The following UBE2V2 variants were observed in gnomAD, a reference collection of about 807,000 sequenced individuals.
UBE2V2 encodes the protein ubiquitin conjugating enzyme E2 V2.
Under a neutral mutation model 17.2 loss-of-function variants are expected in UBE2V2, and 9 were observed. The ratio of observed to expected loss-of-function variants is 0.52; its 90% CI spans 0.32 to 0.91. The LOEUF (loss-of-function observed/expected upper bound fraction) is 0.91. UBE2V2 is among the 40% of genes least tolerant of loss of function. UBE2V2 has a pLI of 0.04. For missense variants in UBE2V2, 133 were observed against 182.6 expected (o/e 0.73, Z 1.56); for synonymous variants, 61 against 57.5 (o/e 1.06, Z -0.28).
the UBE2V2 span, among the ~76,000 whole-genome samples, chr8:48,001,580 C>T: frequency 2.6e-5 from 4 of 152,082 alleles, no homozygotes; most frequent in African/African-American, 9.7e-5. Context: ...GGCTGGGCAA[C>T]AGAGTAAGAC....
intron 1 of UBE2V2, among the ~76,000 whole-genome samples, chr8:48,024,080 G>C (rs1196318053): frequency 6.6e-6 from 1 of 152,132 alleles, no homozygotes; most frequent in Non-Finnish European, 1.5e-5. Context: ...CAGTAAGCTG[G>C]AACTCAGCAG....
At chr8:48,018,763 A>G (rs575497197) in intron 1 of UBE2V2, among the ~76,000 whole-genome samples, 1 of 152,174 alleles carries the variant, frequency 6.6e-6, no homozygotes, top group African/African-American at 2.4e-5. Flanking sequence ...AAAATCTCCT[A>G]CTGTTACTGT....
At chr8:48,060,580 G>A in intron 3 of UBE2V2, 102 bp from the exon 4 acceptor site, 1 of 1,122,518 alleles carries the variant, frequency 8.9e-7, no homozygotes, top group Non-Finnish European at 1.2e-6. Context: ...ATAGAGGCAA[G>A]CTATGAATTT....
intron 1 of UBE2V2, among the ~76,000 whole-genome samples, chr8:48,014,319 T>C (rs2091253122): frequency 6.6e-6 from 1 of 152,118 alleles, no homozygotes; most frequent in African/African-American, 2.4e-5. Flanking sequence ...TTCAAAAATG[T>C]CAACACATTA....
At chr8:48,038,604 A>T (rs990956279) in intron 1 of UBE2V2, among the ~76,000 whole-genome samples, 1 of 151,020 alleles carries the variant, frequency 6.6e-6, no homozygotes, top group Non-Finnish European at 1.5e-5. Flanking sequence ...TCAGCCTCCC[A>T]GGTAGCTGGG....
chr8:48,053,485 G>A (rs1042806295), intron 3 of UBE2V2, among the ~76,000 whole-genome samples: 2 of 143,758 alleles, frequency 1.4e-5, no homozygotes, highest in Non-Finnish European at 3.0e-5. Flanking sequence ...GTGCAGTCAC[G>A]CGATCTTGGC....
intron 1 of UBE2V2, among the ~76,000 whole-genome samples, chr8:48,026,254 AG>A: frequency 6.6e-6 from 1 of 152,204 alleles, no homozygotes. Context: ...TATTCTCTCT[AG>A]GGCTTATGAA....
chr8:48,060,537 T>C (rs1367994075), intron 3 of UBE2V2, 145 bp from the exon 4 acceptor site: 1 of 559,278 alleles, frequency 1.8e-6, no homozygotes, highest in Non-Finnish European at 2.8e-6. Flanking sequence ...CTAATTATGG[T>C]ATTAGTAATT....
intron 1 of UBE2V2, among the ~76,000 whole-genome samples, chr8:48,028,915 G>A (rs1203715751): frequency 6.6e-6 from 1 of 152,088 alleles, no homozygotes; most frequent in Non-Finnish European, 1.5e-5. Context: ...TCTGTAGATT[G>A]TCTTCACTTT....
At chr8:48,039,533 T>A (rs1266555300) in intron 1 of UBE2V2, among the ~76,000 whole-genome samples, 2 of 152,222 alleles carry the variant, frequency 1.3e-5, no homozygotes, top group Non-Finnish European at 2.9e-5. Context: ...CCTTGTTGAT[T>A]TCTAGGAGGA....
the UBE2V2 span, among the ~76,000 whole-genome samples, chr8:48,003,064 GC>G: frequency 3.3e-5 from 5 of 152,050 alleles, no homozygotes; most frequent in Non-Finnish European, 7.4e-5. Context: ...ACAAAAATTA[GC>G]TGGGCATGGT....
intron 1 of UBE2V2, among the ~76,000 whole-genome samples, chr8:48,040,231 C>A (rs555692469): frequency 6.6e-6 from 1 of 152,106 alleles, no homozygotes; most frequent in South Asian, 2.1e-4. Context: ...GGGAACCATT[C>A]AAGGGTAAGT....
intron 1 of UBE2V2, among the ~76,000 whole-genome samples, chr8:48,036,458 G>C (rs1386168704): frequency 1.3e-5 from 2 of 151,400 alleles, no homozygotes; most frequent in Non-Finnish European, 3.0e-5. Context: ...TTTTGAGACA[G>C]AGTCTCACTC....
At chr8:48,017,016 C>T (rs2091273772) in intron 1 of UBE2V2, among the ~76,000 whole-genome samples, 1 of 152,006 alleles carries the variant, frequency 6.6e-6, no homozygotes, top group South Asian at 2.1e-4. Context: ...GTCTCAAACG[C>T]CCGACCTCAG....
intron 1 of UBE2V2, among the ~76,000 whole-genome samples, chr8:48,035,632 TGTG>T (rs1471575194): frequency 3.4e-5 from 3 of 89,050 alleles, no homozygotes; most frequent in African/African-American, 8.6e-5. Flanking sequence ...TTTTTTTTTT[TGTG>T]TGTGTGTGTG....
intron 1 of UBE2V2, among the ~76,000 whole-genome samples, chr8:48,041,079 T>C (rs2091460739): frequency 6.6e-6 from 1 of 151,578 alleles, no homozygotes; most frequent in Non-Finnish European, 1.5e-5. Context: ...TTAGCCAGGA[T>C]GGTCTCGATC....
intron 3 of UBE2V2, among the ~76,000 whole-genome samples, chr8:48,059,822 C>T (rs2154508296): frequency 6.6e-6 from 1 of 152,222 alleles, no homozygotes; most frequent in South Asian, 2.1e-4. Context: ...GTGGAGTTTT[C>T]CAGGGAACTG....
chr8:48,041,167 T>G (rs1344003349), intron 1 of UBE2V2, among the ~76,000 whole-genome samples: 2 of 147,390 alleles, frequency 1.4e-5, no homozygotes, highest in Non-Finnish European at 3.0e-5. Context: ...CCCGGCCTTT[T>G]TTGTTGTTTT....
At chr8:48,041,124 A>T in intron 1 of UBE2V2, among the ~76,000 whole-genome samples, 1 of 149,648 alleles carries the variant, frequency 6.7e-6, no homozygotes. Flanking sequence ...TCGGCCTCCC[A>T]AAGTGCTGGG....
Sources: allele counts gnomAD v4.1 joint callset (sites outside exome capture counted in the v4.1 genomes callset), GRCh38; gene constraint gnomAD v4.1.1; transcripts MANE v1.5; gene names NCBI Gene and HGNC (gene_info 2026-07-23, HGNC 2026-07-21).